Variants in RBPMS observed in about 807,000 individuals in gnomAD.
The protein encoded by RBPMS is RNA binding protein, mRNA processing factor.
Under a neutral mutation model 26.8 loss-of-function variants are expected in RBPMS, and 7 were observed. That is an observed-to-expected ratio of 0.26 (90% CI 0.15 to 0.49). The LOEUF (loss-of-function observed/expected upper bound fraction) is 0.49. RBPMS is among the 20% of genes least tolerant of loss of function. RBPMS has a pLI of 0.98. For missense variants in RBPMS, 186 were observed against 250.0 expected, an observed-to-expected ratio of 0.74 and a Z score of 1.73; for synonymous variants, 96 against 93.3, an observed-to-expected ratio of 1.03 and a Z score of -0.17.
At chr8:30,437,200 C>T (rs937755870) in intron 1 of RBPMS, among the ~76,000 whole-genome samples, 1 of 150,458 alleles carries the variant, frequency 6.6e-6, no homozygotes, top group Non-Finnish European at 1.5e-5. Flanking sequence ...GGATTACAGG[C>T]GTGAGCCACC....
At chr8:30,446,524 G>T (rs764401024) in intron 1 of RBPMS, among the ~76,000 whole-genome samples, 1 of 152,218 alleles carries the variant, frequency 6.6e-6, no homozygotes, top group Admixed American at 6.5e-5. Flanking sequence ...GTGCATGCAC[G>T]TGGATGCAGT....
chr8:30,484,274 G>C (rs1342876081), intron 4 of RBPMS, among the ~76,000 whole-genome samples: 1 of 152,156 alleles, frequency 6.6e-6, no homozygotes, highest in Non-Finnish European at 1.5e-5. Context: ...AATGCTGTTT[G>C]ACTGATTTTA....
intron 5 of RBPMS, among the ~76,000 whole-genome samples, chr8:30,516,259 C>T (rs1822295146): frequency 6.6e-6 from 1 of 152,082 alleles, no homozygotes; most frequent in South Asian, 2.1e-4. Context: ...GGGTGGGGCA[C>T]CTGTAATTCC....
At chr8:30,531,344 A>G (rs1044134394) in intron 5 of RBPMS, among the ~76,000 whole-genome samples, 2 of 109,998 alleles carry the variant, frequency 1.8e-5, no homozygotes, top group African/African-American at 6.7e-5. Context: ...GCCAGAGCCA[A>G]CCAGCCTTCT....
At chr8:30,491,241 T>C (rs10101156) in intron 4 of RBPMS, among the ~76,000 whole-genome samples, 4,490 of 152,310 alleles carry the variant, frequency 0.029, 213 homozygotes, top group African/African-American at 0.1. Context: ...ATAAAACCAT[T>C]GACTTATAAA....
At position 30,560,767 on chromosome 8, in the gene RBPMS, GCTTA is replaced by G. The variant is rs1198640735; in HGVS notation, c.*7+1815_*7+1818del. Among the ~76,000 whole-genome samples, 4 of 152,118 alleles carry G rather than the reference GCTTA, an allele frequency of 2.6e-5. No homozygotes were observed. In the South Asian group the frequency reaches 8.3e-4, roughly 31 times the overall value. Reference sequence around the variant, plus strand: ...GGCTCTGGTACACGGTGTTCCTCAAGCTTACTTGAAACCAGGTCATCCTTTTTTC... The same window carrying G: ...GGCTCTGGTACACGGTGTTCCTCAAGCTTGAAACCAGGTCATCCTTTTTTC... On this transcript the variant is annotated intron_variant, in intron 7 of 8. Transcript: ENST00000397323.
chr8:30,562,121 A>G (rs1204778092), intron 7 of RBPMS: 5 of 763,942 alleles, frequency 6.5e-6, no homozygotes, highest in Non-Finnish European at 8.0e-6. Flanking sequence ...ACTTGATGCC[A>G]GAAGTTTGAG....
At chr8:30,426,635 C>T (rs142673693) in intron 1 of RBPMS, among the ~76,000 whole-genome samples, 4 of 150,024 alleles carry the variant, frequency 2.7e-5, no homozygotes, top group South Asian at 2.1e-4. Context: ...GTCAAGGGAG[C>T]GAGGAAGGGA....
intron 1 of RBPMS, among the ~76,000 whole-genome samples, chr8:30,410,992 G>T (rs925821092): frequency 6.6e-6 from 1 of 152,026 alleles, no homozygotes; most frequent in African/African-American, 2.4e-5. Flanking sequence ...ATCTGCCTTG[G>T]CCTTTCAAGA....
At chr8:30,521,540 C>T (rs941940239) in intron 5 of RBPMS, among the ~76,000 whole-genome samples, 3 of 152,158 alleles carry the variant, frequency 2.0e-5, no homozygotes, top group African/African-American at 4.8e-5. Context: ...TATGGGAATG[C>T]TTATTTCCCT....
At chr8:30,416,805 A>C (rs34963981) in intron 1 of RBPMS, among the ~76,000 whole-genome samples, 26,470 of 149,336 alleles carry the variant, frequency 0.18, 5,849 homozygotes, top group African/African-American at 0.52. Flanking sequence ...AGTCTCCCTC[A>C]GTCGCCTAGG....
chr8:30,493,539 A>T (rs966013500), intron 4 of RBPMS, among the ~76,000 whole-genome samples: 1 of 152,046 alleles, frequency 6.6e-6, no homozygotes, highest in Non-Finnish European at 1.5e-5. Flanking sequence ...TCACCTTCAG[A>T]GTTCTCGGTG....
intron 6 of RBPMS, among the ~76,000 whole-genome samples, chr8:30,554,842 G>A (rs752690363): frequency 2.6e-5 from 4 of 152,046 alleles, no homozygotes; most frequent in African/African-American, 7.2e-5. Flanking sequence ...AGCACTTTTC[G>A]TGACTCTTTC....
chr8:30,503,001 C>A (rs1014143056), intron 4 of RBPMS, among the ~76,000 whole-genome samples: 2 of 149,696 alleles, frequency 1.3e-5, no homozygotes, highest in African/African-American at 4.9e-5. Context: ...TGCTACTGCC[C>A]TCAGTTGGTT....
At chr8:30,419,788 G>C (rs1292647347) in intron 1 of RBPMS, among the ~76,000 whole-genome samples, 5 of 152,030 alleles carry the variant, frequency 3.3e-5, no homozygotes, top group South Asian at 2.1e-4. Context: ...AAACACATCT[G>C]GTCCCAGTCA....
At chr8:30,442,978 T>C (rs1389369597) in intron 1 of RBPMS, among the ~76,000 whole-genome samples, 1 of 152,178 alleles carries the variant, frequency 6.6e-6, no homozygotes, top group African/African-American at 2.4e-5. Flanking sequence ...TCATAGCTTT[T>C]TAAAAAACTT....
At chr8:30,528,870 C>G (rs571233532) in intron 5 of RBPMS, among the ~76,000 whole-genome samples, 2 of 151,884 alleles carry the variant, frequency 1.3e-5, no homozygotes, top group East Asian at 3.9e-4. Flanking sequence ...ACATACCATA[C>G]AATTTAAAGC....
intron 1 of RBPMS, among the ~76,000 whole-genome samples, chr8:30,452,252 G>C (rs1055847907): frequency 2.6e-5 from 4 of 152,140 alleles, no homozygotes; most frequent in Non-Finnish European, 5.9e-5. Context: ...CCAGAAATCA[G>C]GGTCTGTAAA....
intron 5 of RBPMS, among the ~76,000 whole-genome samples, chr8:30,532,537 A>G (rs986254759): frequency 2.6e-5 from 4 of 152,180 alleles, no homozygotes; most frequent in Non-Finnish European, 5.9e-5. Flanking sequence ...GAGATTAGGT[A>G]AGTTATCCAA....
Sources: gnomAD v4.1 joint callset for allele counts (sites outside exome capture counted in the v4.1 genomes callset) on GRCh38, gnomAD v4.1.1 for gene constraint, MANE v1.5 for transcripts, NCBI Gene and HGNC (gene_info 2026-07-23, HGNC 2026-07-21) for gene names.